The following ZNF479 variants were observed in gnomAD, a reference collection of about 807,000 sequenced individuals.
ZNF479 encodes the protein zinc finger protein 479.
In ZNF479, 15 loss-of-function variants were observed where a neutral mutation model predicts 14.7. That is an observed-to-expected ratio of 1.02 (90% CI 0.68 to 1.57). The LOEUF is 1.57. Ranked by LOEUF, ZNF479 falls within the 40% of genes most tolerant of loss-of-function variation. The pLI is 0.00. For synonymous variants in ZNF479, 145 were observed against 211.5 expected, an observed-to-expected ratio of 0.69 and a Z score of 2.73; for missense variants, 506 against 615.1, an observed-to-expected ratio of 0.82 and a Z score of 1.88.
At position 57,118,779 on chromosome 7, in the gene ZNF479, T is replaced by C. The variant is rs1268252392; in HGVS notation, c.*1061A>G. Among the ~76,000 whole-genome samples the C allele has an allele frequency of 1.9e-4, 29 of 152,262 alleles. No homozygotes were observed. Among genetic ancestry groups the C allele is most frequent in the African/African-American group, 6.8e-4 (28 of 41,476 alleles). ...TTTTTCTCTAGTATAAATGCTTTCCTGTACCATAAGGTGTGAGAATTTGTT... is the reference window on the plus strand; with the variant it reads ...TTTTTCTCTAGTATAAATGCTTTCCCGTACCATAAGGTGTGAGAATTTGTT... On this transcript the variant is annotated 3_prime_UTR_variant, in exon 4 of 4. Coordinates refer to ENST00000319636, the MANE Select transcript of ZNF479 (RefSeq NM_001370129.2).
intron 3 of ZNF479, among the ~76,000 whole-genome samples, chr7:57,121,995 A>G (rs1785974646): frequency 6.6e-6 from 1 of 152,128 alleles, no homozygotes; most frequent in African/African-American, 2.4e-5. Context: ...TGGAGGTAAA[A>G]AAGAATAACT....
intron 3 of ZNF479, among the ~76,000 whole-genome samples, chr7:57,125,494 C>A: frequency 6.6e-6 from 1 of 150,410 alleles, no homozygotes. Flanking sequence ...ATAACCAAGC[C>A]TCTAAATAAA....
At chr7:57,138,174 G>T (rs1360622596) in intron 1 of ZNF479, among the ~76,000 whole-genome samples, 1 of 152,176 alleles carries the variant, frequency 6.6e-6, no homozygotes. Flanking sequence ...ATTAGGCCCA[G>T]CTCACAGGTA....
chr7:57,120,684 T>C lies in ZNF479; in HGVS notation c.731A>G (p.Glu244Gly). ...CCAGCTAAAGGCTTTGCCACATTCC[T>C]CACATCTATATGGTTTCTCTCCAGT... ...IHTGEKPYRCEECGKAFSWSA... is the reference protein window; with the variant it reads ...IHTGEKPYRCGECGKAFSWSA... Residue 244 changes from glutamate (E) to glycine (G), a missense_variant, in exon 4 of 4, where the codon GAG (glutamate) becomes GGG (glycine). Coordinates refer to ENST00000319636, the MANE Select transcript of ZNF479 (RefSeq NM_001370129.2). The C allele has an allele frequency of 6.2e-7, 1 of 1,613,604 alleles. No homozygotes were observed. Among genetic ancestry groups the C allele is most frequent in the Non-Finnish European group, 8.5e-7 (1 of 1,179,792 alleles).
At chr7:57,138,540 T>G (rs566700580) in intron 1 of ZNF479, among the ~76,000 whole-genome samples, 2 of 152,262 alleles carry the variant, frequency 1.3e-5, no homozygotes, top group South Asian at 4.1e-4. Flanking sequence ...TGGTGAGTCA[T>G]AGCTGGACTC....
At chr7:57,130,969 G>A (rs1430490892) in intron 1 of ZNF479, among the ~76,000 whole-genome samples, 1 of 152,152 alleles carries the variant, frequency 6.6e-6, no homozygotes, top group Non-Finnish European at 1.5e-5. Context: ...GATTGAACTG[G>A]AGATCATTAT....
At chr7:57,125,258 A>C (rs1301861091) in intron 3 of ZNF479, among the ~76,000 whole-genome samples, 1 of 152,178 alleles carries the variant, frequency 6.6e-6, no homozygotes, top group Non-Finnish European at 1.5e-5. Flanking sequence ...TTAAAACACC[A>C]ACTGTTGATG....
upstream of ZNF479, among the ~76,000 whole-genome samples, chr7:57,132,655 A>G (rs192387797): frequency 2.0e-5 from 3 of 152,358 alleles, no homozygotes; most frequent in Non-Finnish European, 4.4e-5. Context: ...AGCCAGGCCA[A>G]CTTCAGAGGA....
At chr7:57,125,540 A>C (rs1299014285) in intron 3 of ZNF479, among the ~76,000 whole-genome samples, 2 of 151,638 alleles carry the variant, frequency 1.3e-5, no homozygotes, top group South Asian at 2.1e-4. Context: ...TTTGTAAAAA[A>C]TTTGTAAAAA....
chr7:57,135,206 T>C (rs1257658157), upstream of ZNF479, among the ~76,000 whole-genome samples: 2 of 152,090 alleles, frequency 1.3e-5, no homozygotes, highest in African/African-American at 4.8e-5. Context: ...CGTTAGAGTG[T>C]CTCCTAAGAC....
chr7:57,131,440 G>C (rs1458984575), intron 1 of ZNF479, among the ~76,000 whole-genome samples: 3 of 151,934 alleles, frequency 2.0e-5, no homozygotes, highest in Non-Finnish European at 4.4e-5. Context: ...GCACACACCT[G>C]TAATTCCAGC....
At chr7:57,138,339 T>C (rs1786737813) in intron 1 of ZNF479, among the ~76,000 whole-genome samples, 1 of 152,174 alleles carries the variant, frequency 6.6e-6, no homozygotes, top group East Asian at 1.9e-4. Context: ...CTTTGAGTGA[T>C]AAAAAGAGTG....
At chr7:57,137,186 G>A (rs577683664), upstream of ZNF479, among the ~76,000 whole-genome samples, 6 of 152,230 alleles carry the variant, frequency 3.9e-5, no homozygotes, top group East Asian at 9.7e-4. Flanking sequence ...TTTTGAGATG[G>A]AATGCAGCGG....
At chr7:57,134,151 C>T (rs1786544082), upstream of ZNF479, among the ~76,000 whole-genome samples, 1 of 152,096 alleles carries the variant, frequency 6.6e-6, no homozygotes, top group Non-Finnish European at 1.5e-5. Context: ...GGGCTGAAAC[C>T]TACAGGACTG....
upstream of ZNF479, among the ~76,000 whole-genome samples, chr7:57,136,934 G>T (rs1308527800): frequency 6.6e-6 from 1 of 151,846 alleles, no homozygotes; most frequent in Non-Finnish European, 1.5e-5. Flanking sequence ...AAGCTTATTG[G>T]TTTCAGGAGA....
At chr7:57,121,294 G>A (rs1785935868) in intron 3 of ZNF479, 142 bp from the exon 4 acceptor site, 3 of 674,152 alleles carry the variant, frequency 4.5e-6, no homozygotes, top group Admixed American at 2.9e-5. Flanking sequence ...CTTCATAGAT[G>A]TATAAATGTA....
intron 1 of ZNF479, chr7:57,139,514 G>A (rs1251129544): frequency 6.6e-6 from 1 of 152,192 alleles, no homozygotes; most frequent in African/African-American, 2.4e-5. Flanking sequence ...AAACCTTTCT[G>A]CAGGTGTAAT....
chr7:57,126,528 C>T, intron 2 of ZNF479, 64 bp downstream of exon 2: 1 of 1,517,248 alleles, frequency 6.6e-7, no homozygotes, highest in Non-Finnish European at 8.9e-7. Flanking sequence ...GCAGAAATTA[C>T]CAAAAACATC....
At position 57,120,456 on chromosome 7, in the gene ZNF479, G is replaced by T; in HGVS notation, c.959C>A (p.Thr320Asn). ...CTCACACCTGCAGGGTTTCTCTCCA[G>T]TATGAATTCTCTTGTGGTCAGTGAG... ...STLTDHKRIH[T>N]GEKPCRCEEC... The change falls in exon 4 of 4, where the codon ACT (threonine) becomes AAT (asparagine). Residue 320 changes from threonine (T) to asparagine (N), a missense_variant. Coordinates refer to ENST00000319636, the MANE Select transcript of ZNF479 (RefSeq NM_001370129.2). The T allele has an allele frequency of 6.2e-7, 1 of 1,611,542 alleles. No homozygotes were observed. Among genetic ancestry groups the T allele is most frequent in the South Asian group, 1.1e-5 (1 of 90,966 alleles).
Sources: allele counts gnomAD v4.1 joint callset (sites outside exome capture counted in the v4.1 genomes callset), GRCh38; gene constraint gnomAD v4.1.1; transcripts MANE v1.5; gene names NCBI Gene and HGNC (gene_info 2026-07-23, HGNC 2026-07-21).